DCHS2: variants seen among roughly 807,000 people sequenced by gnomAD.
DCHS2 encodes the protein dachsous cadherin-related 2.
In DCHS2, 142 loss-of-function variants were observed where a neutral mutation model predicts 182.4. The ratio of observed to expected loss-of-function variants is 0.78; its 90% confidence interval spans 0.68 to 0.89. The LOEUF (loss-of-function observed/expected upper bound fraction) is 0.89. DCHS2 is among the 40% of genes least tolerant of loss of function. DCHS2 has a pLI of 0.00. For missense variants in DCHS2, 4,319 were observed against 4,198.6 expected (o/e 1.03, Z -0.79); for synonymous variants, 1,740 against 1,663.3 (o/e 1.05, Z -1.12).
intron 1 of DCHS2, among the ~76,000 whole-genome samples, chr4:154,436,229 T>A (rs1374095212): frequency 2.0e-5 from 3 of 152,244 alleles, no homozygotes; most frequent in Non-Finnish European, 4.4e-5. Flanking sequence ...GCTGAATTTT[T>A]AAAATTGTAT....
In DCHS2 at chr4:154,490,212, C is replaced by G; in HGVS notation, c.1144G>C (p.Val382Leu). 1.3e-6 allele frequency: 2 copies of G among 1,549,632 alleles called. No individual in the cohort carries two copies. Among genetic ancestry groups the G allele is most frequent in the Non-Finnish European group, 1.7e-6 (2 of 1,146,788 alleles). Reference protein sequence around the residue: ...DREAQAWHQLVVEARDGGAEP... With the variant: ...DREAQAWHQLLVEARDGGAEP... ...GCGCCTCCATCGCGGGCCTCCACCA[C>G]CAACTGGTGCCAGGCCTGTGCCTCG... The change falls in exon 1 of 20, where the codon GTG becomes CTG. Residue 382 changes from valine to leucine, a missense_variant. Transcript: ENST00000357232.
intron 1 of DCHS2, among the ~76,000 whole-genome samples, chr4:154,418,954 A>G (rs1732982931): frequency 6.6e-6 from 1 of 152,260 alleles, no homozygotes; most frequent in African/African-American, 2.4e-5. Context: ...AACATGAATG[A>G]ATGCTTCATA....
intron 4 of DCHS2, 94 bp downstream of exon 4, chr4:154,334,774 G>T: frequency 9.7e-7 from 1 of 1,032,126 alleles, no homozygotes; most frequent in Middle Eastern, 2.3e-4. Context: ...TGCGTGGAAA[G>T]AAGAAAAAAA....
intron 7 of DCHS2, 90 bp downstream of exon 7, chr4:154,328,003 A>T: frequency 2.3e-6 from 2 of 879,692 alleles, no homozygotes; most frequent in South Asian, 5.6e-5. Context: ...AAGTAATCAA[A>T]ATAGAACTTC....
chr4:154,236,594 C>A lies in DCHS2; in HGVS notation c.8058G>T (p.Val2686=), dbSNP rs747233189. The change falls in exon 20 of 20, where the codon GTG becomes GTT. Residue 2686 remains valine, a synonymous_variant. Transcript: ENST00000357232. The part of the protein sequence containing the change: ...ESTPLGSHIT[V]VSANDRDTGS... ...CTGTGTCACGGTCATTTGCTGAGAC[C>A]ACAGTGATGTGACTCCCTAGAGGGG... 2.2e-5 allele frequency: 36 copies of A among 1,613,832 alleles called. No individual in the cohort carries two copies. The highest frequency in any genetic ancestry group is 2.8e-5 in the Non-Finnish European group (33 of 1,179,960).
At chr4:154,312,207 T>A (rs1347872478) in intron 10 of DCHS2, among the ~76,000 whole-genome samples, 1 of 152,172 alleles carries the variant, frequency 6.6e-6, no homozygotes, top group Non-Finnish European at 1.5e-5. Flanking sequence ...CGCCTTTAAA[T>A]CCTTCTCTGG....
At chr4:154,458,289 TA>T (rs1384126470) in intron 1 of DCHS2, among the ~76,000 whole-genome samples, 4 of 151,872 alleles carry the variant, frequency 2.6e-5, no homozygotes, top group African/African-American at 9.7e-5. Flanking sequence ...ATCAGACCCA[TA>T]TTTCCAAATG....
intron 1 of DCHS2, among the ~76,000 whole-genome samples, chr4:154,410,358 C>T (rs947098973): frequency 1.4e-5 from 2 of 145,384 alleles, no homozygotes; most frequent in African/African-American, 2.6e-5. Context: ...GAAGCTGAAA[C>T]ATTCAACGAA....
At chr4:154,368,051 A>T (rs1730472656) in intron 2 of DCHS2, among the ~76,000 whole-genome samples, 1 of 152,176 alleles carries the variant, frequency 6.6e-6, no homozygotes, top group Admixed American at 6.5e-5. Flanking sequence ...CATGCCGGGT[A>T]TCAATTAGAA....
chr4:154,472,600 T>A (rs747478262), intron 1 of DCHS2, among the ~76,000 whole-genome samples: 1 of 152,238 alleles, frequency 6.6e-6, no homozygotes, highest in Non-Finnish European at 1.5e-5. Flanking sequence ...GAAAGACTCA[T>A]TCTCTCACCA....
intron 13 of DCHS2, among the ~76,000 whole-genome samples, chr4:154,292,392 T>G (rs1287771193): frequency 6.6e-6 from 1 of 152,298 alleles, no homozygotes; most frequent in East Asian, 1.9e-4. Context: ...GCTTTTAAAA[T>G]AAATCTCTAT....
chr4:154,285,966 TGG>T (rs1345152767), intron 13 of DCHS2, among the ~76,000 whole-genome samples: 1 of 152,046 alleles, frequency 6.6e-6, no homozygotes, highest in East Asian at 1.9e-4. Context: ...GTCCCAGTGG[TGG>T]TGGTCACAGG....
chr4:154,374,311 A>G, intron 2 of DCHS2: 1 of 201,002 alleles, frequency 5.0e-6, no homozygotes, highest in Non-Finnish European at 1.0e-5. Flanking sequence ...AGTAGCCTGG[A>G]AGACACAGCT....
At position 154,391,170 on chromosome 4, in the gene DCHS2, G is replaced by A. The variant is rs538493825; in HGVS notation, c.2053-13726C>T. On this transcript the variant is annotated intron_variant, in intron 1 of 19. Transcript: ENST00000357232. ...TTTTAATTTTTGTTCTTACCTCTGA[G>A]ATTTCACAATGGAATTTATTTTCAC... 40 of 1,612,010 alleles carry A rather than the reference G, an allele frequency of 2.5e-5. 1 individual carries two copies. In the South Asian group the frequency reaches 4.2e-4, roughly 17 times the overall value.
intron 1 of DCHS2, among the ~76,000 whole-genome samples, chr4:154,411,758 T>C (rs1416196594): frequency 1.3e-5 from 2 of 152,214 alleles, no homozygotes; most frequent in African/African-American, 4.8e-5. Context: ...TGTGAGATGA[T>C]GAATGTTAAT....
chr4:154,400,759 C>T (rs1030551152), intron 1 of DCHS2, among the ~76,000 whole-genome samples: 1 of 152,162 alleles, frequency 6.6e-6, no homozygotes, highest in African/African-American at 2.4e-5. Context: ...CCCTCCCTCT[C>T]TCTCATGTAA....
chr4:154,239,096 T>C, intron 19 of DCHS2, 74 bp downstream of exon 19: 1 of 1,534,918 alleles, frequency 6.5e-7, no homozygotes, highest in Admixed American at 2.1e-5. Context: ...ATAGAGGCAT[T>C]TAGAAAGGGT....
intron 1 of DCHS2, among the ~76,000 whole-genome samples, chr4:154,410,359 A>T (rs909624021): frequency 6.6e-6 from 1 of 151,534 alleles, no homozygotes; most frequent in Admixed American, 6.6e-5. Context: ...AAGCTGAAAC[A>T]TTCAACGAAT....
intron 1 of DCHS2, among the ~76,000 whole-genome samples, chr4:154,477,226 C>T (rs952216000): frequency 9.9e-5 from 15 of 152,142 alleles, no homozygotes; most frequent in East Asian, 1.9e-4. Flanking sequence ...TGTAGCCTCA[C>T]GTGGCGGAAA....
Sources: allele counts gnomAD v4.1 joint callset (sites outside exome capture counted in the v4.1 genomes callset), GRCh38; gene constraint gnomAD v4.1.1; transcripts MANE v1.5; gene names NCBI Gene and HGNC (gene_info 2026-07-23, HGNC 2026-07-21).